The following SEPTIN9 variants were observed in gnomAD, a reference collection of about 807,000 sequenced individuals.
The protein encoded by SEPTIN9 is septin-9.
In SEPTIN9, 13 loss-of-function variants were observed where a neutral mutation model predicts 56.6. That is an observed-to-expected ratio of 0.23 (90% CI 0.15 to 0.37). The LOEUF (loss-of-function observed/expected upper bound fraction) is 0.37. Ranked by LOEUF, SEPTIN9 falls within the 10% of genes least tolerant of loss-of-function variation. The probability of loss-of-function intolerance (pLI) is 1.00; values close to 1 mark genes in which losing one functional copy is unlikely to be tolerated. For missense variants in SEPTIN9, 650 were observed against 823.1 expected (o/e 0.79, Z 2.57); for synonymous variants, 332 against 334.1 (o/e 0.99, Z 0.07).
intron 3 of SEPTIN9, among the ~76,000 whole-genome samples, chr17:77,430,382 A>G (rs2037081284): frequency 6.6e-6 from 1 of 152,130 alleles, no homozygotes; most frequent in African/African-American, 2.4e-5. Flanking sequence ...TGGGGTTGTC[A>G]TGCAGCGGGG....
intron 3 of SEPTIN9, among the ~76,000 whole-genome samples, chr17:77,410,847 C>T (rs1568047219): frequency 6.6e-6 from 1 of 152,204 alleles, no homozygotes; most frequent in South Asian, 2.1e-4. Context: ...TCTCTCTCAC[C>T]CGCAAGCTGG....
At chr17:77,484,707 TGATGTGGGTGGTGGTG>T (rs2039627618) in intron 4 of SEPTIN9, among the ~76,000 whole-genome samples, 1 of 116,546 alleles carries the variant, frequency 8.6e-6, no homozygotes. Context: ...GTGATGGTGG[TGATGTGGGTGGTGGTG>T]GTGATTGTGA....
chr17:77,361,292 T>C (rs1395998233), intron 2 of SEPTIN9, among the ~76,000 whole-genome samples: 1 of 152,228 alleles, frequency 6.6e-6, no homozygotes, highest in East Asian at 1.9e-4. Flanking sequence ...CAATAGGTAC[T>C]GCCTGCGGGA....
intron 1 of SEPTIN9, chr17:77,288,126 C>T (rs950777312): frequency 2.8e-6 from 3 of 1,063,516 alleles, no homozygotes; most frequent in South Asian, 9.1e-5. Context: ...ACTCCTACCC[C>T]ACCCCGGCCT....
chr17:77,434,227 G>C lies in SEPTIN9; in HGVS notation c.721+31524G>C, dbSNP rs941071225. Among the ~76,000 whole-genome samples, 1 of 152,130 alleles carries C rather than the reference G, an allele frequency of 6.6e-6. No homozygotes were observed. The highest frequency in any genetic ancestry group is 1.5e-5 in the Non-Finnish European group (1 of 68,012). ...AAAGTGCCCTAGGATACGGTGGCAG[G>C]ACTGGCTGGGGTTCTGGCTCCAGGC... On this transcript the variant is annotated intron_variant, in intron 3 of 11. Coordinates refer to ENST00000427177, the MANE Select transcript of SEPTIN9 (RefSeq NM_001113491.2). This position sits in a 1 kb window ranked among gnomAD's most constrained non-coding sequence, Gnocchi z 5.0.
intron 2 of SEPTIN9, among the ~76,000 whole-genome samples, chr17:77,341,197 C>T (rs140212691): frequency 3.9e-5 from 6 of 152,252 alleles, no homozygotes; most frequent in African/African-American, 9.6e-5. Flanking sequence ...GCTTTCGACA[C>T]GCCTTCCTCA....
chr17:77,479,481 A>T (rs1021797842), intron 3 of SEPTIN9, among the ~76,000 whole-genome samples: 2 of 152,130 alleles, frequency 1.3e-5, no homozygotes, highest in Admixed American at 1.3e-4. Context: ...CTCTCGAGGG[A>T]GGGGTTGCAG....
chr17:77,497,450 C>G, intron 11 of SEPTIN9, 84 bp downstream of exon 11: 2 of 1,347,498 alleles, frequency 1.5e-6, no homozygotes, highest in South Asian at 2.4e-5. Context: ...GGTGTGGGGC[C>G]GAAGCCCTGG....
rs879436864 is a variant in SEPTIN9 at position 77,454,358 on chromosome 17, G to A, written c.722-27786G>A. On this transcript the variant is annotated intron_variant, in intron 3 of 11. Coordinates refer to ENST00000427177, the MANE Select transcript of SEPTIN9 (RefSeq NM_001113491.2). ...TTTATTGAGTGCCAGCCCGGTTCCC[G>A]GACAGGTAGGGACCTGTTCCCGGAG... 7.1e-6 allele frequency: 7 copies of A among 985,508 alleles called. No homozygotes were observed. In the Admixed American group the frequency reaches 1.8e-4, roughly 26 times the overall value. The allele number at this position is 985,508 out of a possible 1,614,324, so 61.0% of individuals were successfully genotyped here. A position where few individuals can be genotyped will look rare whatever the true frequency, so the allele number is the denominator to read the frequency against.
chr17:77,451,474 TG>T lies in SEPTIN9; in HGVS notation c.722-30667del, dbSNP rs2037966223. 3.0e-6 allele frequency: 3 copies of T among 985,844 alleles called. No individual in the cohort carries two copies. Among genetic ancestry groups the T allele is most frequent in the Non-Finnish European group, 3.6e-6 (3 of 830,280 alleles). The allele number at this position is 985,844 out of a possible 1,614,324, so 61.1% of individuals were successfully genotyped here. A position where few individuals can be genotyped will look rare whatever the true frequency, so the allele number is the denominator to read the frequency against. Reference sequence around the variant, plus strand: ...CTCGGCTCTGAGCCATGTGACCCGGTGGGCGGGCCGCGGCTCTCGGCGCGTC... The same window carrying T: ...CTCGGCTCTGAGCCATGTGACCCGGTGGCGGGCCGCGGCTCTCGGCGCGTC... On this transcript the variant is annotated intron_variant, in intron 3 of 11. Transcript: ENST00000427177. This position sits in a 1 kb window ranked among gnomAD's most constrained non-coding sequence, Gnocchi z 4.2.
At chr17:77,408,742 G>A (rs759376411) in intron 3 of SEPTIN9, among the ~76,000 whole-genome samples, 7 of 152,156 alleles carry the variant, frequency 4.6e-5, no homozygotes, top group Non-Finnish European at 7.4e-5. Context: ...TCCTGGTGGG[G>A]ATCAGGGACT....
chr17:77,331,680 C>T (rs766688234), intron 2 of SEPTIN9, among the ~76,000 whole-genome samples: 63 of 152,264 alleles, frequency 4.1e-4, no homozygotes, highest in Middle Eastern at 3.4e-3. Context: ...TAGTTTCCGC[C>T]AACTGTGACT....
chr17:77,316,059 C>G lies in SEPTIN9; in HGVS notation c.76+8862C>G, dbSNP rs116871979. Among the ~76,000 whole-genome samples the G allele has an allele frequency of 3.5e-3, 528 of 152,298 alleles. 3 individuals carry two copies. The highest frequency in any genetic ancestry group is 0.031 in the Middle Eastern group (9 of 294). On this transcript the variant is annotated intron_variant, in intron 2 of 11. Transcript: ENST00000427177. ...AAGGTGGGTTAAACCAAGCCCGGCT[C>G]CCTCACTGTAGGATTACTCAGTGCG...
At position 77,402,748 on chromosome 17, in the gene SEPTIN9, G is replaced by C; in HGVS notation, c.721+45G>C. The C allele has an allele frequency of 6.6e-7, 1 of 1,510,442 alleles. No homozygotes were observed. The highest frequency in any genetic ancestry group is 8.8e-7 in the Non-Finnish European group (1 of 1,130,592). 93.6% of individuals were successfully genotyped at this position (1,510,442 alleles called of 1,614,324 possible). A position where few individuals can be genotyped will look rare whatever the true frequency, so the allele number is the denominator to read the frequency against. ...GTCTTGGATGCTGTGGTAATGGGGG[G>C]CCTGGTTGCTGGCTTTGCCACAGAA... On this transcript the variant is annotated intron_variant, in intron 3 of 11. Transcript: ENST00000427177. The surrounding 1 kb of genome is among the most constrained non-coding windows in gnomAD (Gnocchi z 6.6).
chr17:77,499,111 G>A lies in SEPTIN9; in HGVS notation c.*453G>A. On this transcript the variant is annotated 3_prime_UTR_variant, in exon 12 of 12. Coordinates refer to ENST00000427177, the MANE Select transcript of SEPTIN9 (RefSeq NM_001113491.2). ...GTCCCCTGGAGTGTGTCAGAGCCCA[G>A]GGGAGAATGCAGCCCACCAGGAGCA... 1.9e-6 allele frequency: 1 copy of A among 536,316 alleles called. No individual in the cohort carries two copies. Among genetic ancestry groups the A allele is most frequent in the Non-Finnish European group, 3.6e-6 (1 of 276,324 alleles). 33.2% of individuals were successfully genotyped at this position (536,316 alleles called of 1,614,324 possible).
rs373988609 is a variant in SEPTIN9 at position 77,389,428 on chromosome 17, G to T, written c.77-12631G>T. On this transcript the variant is annotated intron_variant, in intron 2 of 11. Transcript: ENST00000427177. This position sits in a 1 kb window ranked among gnomAD's most constrained non-coding sequence, Gnocchi z 4.3. ...GGGTGTCTGGGGCCACCTAAAGGGCGTGGGTGGATTAAAGCTGAGGAAAGC... is the reference window on the plus strand; with the variant it reads ...GGGTGTCTGGGGCCACCTAAAGGGCTTGGGTGGATTAAAGCTGAGGAAAGC... Among the ~76,000 whole-genome samples, 178 of 151,976 alleles carry T rather than the reference G, an allele frequency of 1.2e-3. 1 individual carries two copies. Among genetic ancestry groups the T allele is most frequent in the African/African-American group, 4.0e-3 (165 of 41,430 alleles).
chr17:77,300,363 C>T (rs537511328), intron 1 of SEPTIN9, among the ~76,000 whole-genome samples: 18 of 152,100 alleles, frequency 1.2e-4, no homozygotes, highest in Admixed American at 5.9e-4. Context: ...CACAGCCCCA[C>T]GTGTCAGCCT....
chr17:77,477,133 C>T (rs560824063), intron 3 of SEPTIN9, among the ~76,000 whole-genome samples: 14 of 151,724 alleles, frequency 9.2e-5, no homozygotes, highest in Admixed American at 6.6e-4. Context: ...TCCCTCCTTC[C>T]CTTCTTTCCC....
intron 4 of SEPTIN9, among the ~76,000 whole-genome samples, chr17:77,486,432 C>T (rs925402001): frequency 6.6e-6 from 1 of 151,676 alleles, no homozygotes. Flanking sequence ...GTGTTGCTAG[C>T]GTAGCCCAAG....
Sources: allele counts gnomAD v4.1 joint callset (sites outside exome capture counted in the v4.1 genomes callset), GRCh38; gene constraint gnomAD v4.1.1; non-coding constraint Gnocchi (gnomAD v3.1); transcripts MANE v1.5; gene names NCBI Gene and HGNC (gene_info 2026-07-23, HGNC 2026-07-21).